CNNM4: variants seen among roughly 807,000 people sequenced by gnomAD.
CNNM4 encodes the protein metal transporter CNNM4.
A neutral mutation model predicts 53.7 loss-of-function variants in CNNM4; 32 were observed. The observed-to-expected ratio is 0.60, with a 90% CI of 0.45 to 0.80. The LOEUF is 0.80. Among genes scored for constraint, CNNM4 ranks in the 30% least tolerant of loss-of-function variants. The probability of loss-of-function intolerance (pLI) is 0.00; values close to 1 mark genes in which losing one functional copy is unlikely to be tolerated. For missense variants in CNNM4, 784 were observed against 1,022.0 expected, an observed-to-expected ratio of 0.77 and a Z score of 3.17; for synonymous variants, 410 against 440.0, an observed-to-expected ratio of 0.93 and a Z score of 0.85.
intron 1 of CNNM4, among the ~76,000 whole-genome samples, chr2:96,795,075 T>C (rs1389649974): frequency 6.6e-6 from 1 of 152,260 alleles, no homozygotes; most frequent in Admixed American, 6.5e-5. Context: ...CAAAAAAATC[T>C]GAAATCTGAA....
rs1378786764 is a variant in CNNM4, at chr2:96,761,501, T to C, written c.502T>C (p.Ser168Pro). Residue 168 changes from serine (S) to proline (P), a missense_variant, in exon 1 of 7, where the codon TCA (serine) becomes CCA (proline). Ser to Pro is a moderately conservative substitution (Grantham distance 74, BLOSUM62 -1). Coordinates refer to ENST00000377075, the MANE Select transcript of CNNM4 (RefSeq NM_020184.4). This position sits in a 1 kb window ranked among gnomAD's most constrained non-coding sequence, Gnocchi z 6.0. ...GPWLKWTDKDSLLFMVEEPGR... is the reference protein window; with the variant it reads ...GPWLKWTDKDPLLFMVEEPGR... ...CTGGCTGAAGTGGACGGACAAGGAC[T>C]CACTGCTCTTCATGGTGGAGGAGCC... is the stretch of plus-strand genomic sequence containing the variant. 3 of 1,614,062 alleles carry C rather than the reference T, an allele frequency of 1.9e-6. No homozygotes were observed. The highest frequency in any genetic ancestry group is 1.7e-6 in the Non-Finnish European group (2 of 1,179,968).
intron 1 of CNNM4, among the ~76,000 whole-genome samples, chr2:96,792,162 C>T (rs906929678): frequency 6.7e-6 from 1 of 149,766 alleles, no homozygotes; most frequent in African/African-American, 2.5e-5. Context: ...GGGAGAATCA[C>T]TGGAACCTGT....
At chr2:96,788,182 C>G (rs1379535205) in intron 1 of CNNM4, among the ~76,000 whole-genome samples, 1 of 151,956 alleles carries the variant, frequency 6.6e-6, no homozygotes, top group Non-Finnish European at 1.5e-5. Flanking sequence ...TTTGGCCTCC[C>G]AAAGTGCTGG....
intron 1 of CNNM4, among the ~76,000 whole-genome samples, chr2:96,765,019 G>A (rs1479173441): frequency 9.6e-6 from 1 of 104,612 alleles, no homozygotes; most frequent in Non-Finnish European, 1.9e-5. Context: ...CTGGTGTTGG[G>A]AATGGTTTTT....
intron 1 of CNNM4, among the ~76,000 whole-genome samples, chr2:96,778,441 C>T (rs1574063042): frequency 6.6e-6 from 1 of 151,282 alleles, no homozygotes; most frequent in East Asian, 2.0e-4. Context: ...ACCTGTAATC[C>T]CAGCTACTCC....
intron 1 of CNNM4, among the ~76,000 whole-genome samples, chr2:96,764,115 G>A (rs1364996819): frequency 6.6e-6 from 1 of 152,118 alleles, no homozygotes; most frequent in Non-Finnish European, 1.5e-5. Flanking sequence ...ACACCCAGTA[G>A]CACCTTCCCA....
In CNNM4 at chr2:96,761,854, C is replaced by G; in HGVS notation, c.855C>G (p.Ile285Met). The G allele has an allele frequency of 1.4e-5, 23 of 1,614,152 alleles. No homozygotes were observed. Among genetic ancestry groups the G allele is most frequent in the Non-Finnish European group, 1.9e-5 (23 of 1,180,024 alleles). The change falls in exon 1 of 7, where the codon ATC becomes ATG. Residue 285 changes from isoleucine to methionine, a missense_variant. Coordinates refer to ENST00000377075, the MANE Select transcript of CNNM4 (RefSeq NM_020184.4). The surrounding 1 kb of genome is among the most constrained non-coding windows in gnomAD (Gnocchi z 6.0). ...STIGIVIFGE[I>M]LPQALCSRHG... Reference sequence around the variant, plus strand: ...TTGGCATTGTCATCTTTGGGGAGATCCTACCTCAGGCCCTGTGCTCCCGAC... The same window carrying G: ...TTGGCATTGTCATCTTTGGGGAGATGCTACCTCAGGCCCTGTGCTCCCGAC...
At chr2:96,787,341 G>C (rs939500401) in intron 1 of CNNM4, among the ~76,000 whole-genome samples, 1 of 152,136 alleles carries the variant, frequency 6.6e-6, no homozygotes, top group Non-Finnish European at 1.5e-5. Context: ...GGTAAAAAAT[G>C]AGTTCATTTT....
intron 5 of CNNM4, among the ~76,000 whole-genome samples, chr2:96,803,552 C>A (rs1308240558): frequency 6.6e-6 from 1 of 151,850 alleles, no homozygotes; most frequent in Admixed American, 6.6e-5. Flanking sequence ...ATGGTGAAAC[C>A]CCATCTCTAC....
chr2:96,795,400 G>A (rs1217687822), intron 1 of CNNM4, among the ~76,000 whole-genome samples: 1 of 152,164 alleles, frequency 6.6e-6, no homozygotes, highest in Non-Finnish European at 1.5e-5. Context: ...CTAGCAAGAC[G>A]CTAAATGTTT....
At chr2:96,803,005 G>A (rs1484887285) in intron 5 of CNNM4, among the ~76,000 whole-genome samples, 2 of 152,178 alleles carry the variant, frequency 1.3e-5, no homozygotes, top group South Asian at 2.1e-4. Context: ...CGTCACCTCA[G>A]CCCGGGGATA....
Position 96,808,686 on chromosome 2 carries a change from G to A in CNNM4, c.2074G>A (p.Gly692Ser), listed in dbSNP as rs2153351674. ...CAACCAGTTTGGCAGCTCTGTCCTG[G>A]GCCAGTACATCTCTGACTTCAGCGT... ...SSNQFGSSVL[G>S]QYISDFSVRA... Residue 692 changes from glycine to serine, a missense_variant, in exon 6 of 7, where the codon GGC becomes AGC. Coordinates refer to ENST00000377075, the MANE Select transcript of CNNM4 (RefSeq NM_020184.4). The surrounding 1 kb of genome is among the most constrained non-coding windows in gnomAD (Gnocchi z 4.9). 1 of 1,614,128 alleles carries A rather than the reference G, an allele frequency of 6.2e-7. No homozygotes were observed. Among genetic ancestry groups the A allele is most frequent in the Non-Finnish European group, 8.5e-7 (1 of 1,180,028 alleles).
intron 5 of CNNM4, among the ~76,000 whole-genome samples, chr2:96,803,983 C>T (rs1192847709): frequency 6.6e-6 from 1 of 152,082 alleles, no homozygotes. Context: ...ACTGCAGCCT[C>T]AACCTCATGG....
At position 96,761,495 on chromosome 2, in the gene CNNM4, A is replaced by G. The variant is rs1450589664; in HGVS notation, c.496A>G (p.Lys166Glu). 6.2e-6 allele frequency: 10 copies of G among 1,614,026 alleles called. No individual in the cohort carries two copies. Among genetic ancestry groups the G allele is most frequent in the Admixed American group, 1.7e-5 (1 of 60,026 alleles). Residue 166 changes from lysine (K) to glutamate (E), a missense_variant, in exon 1 of 7, where the codon AAG (lysine) becomes GAG (glutamate). Coordinates refer to ENST00000377075, the MANE Select transcript of CNNM4 (RefSeq NM_020184.4). This position sits in a 1 kb window ranked among gnomAD's most constrained non-coding sequence, Gnocchi z 6.0. ...PDGPWLKWTD[K>E]DSLLFMVEEP... ...CGGGCCCTGGCTGAAGTGGACGGACAAGGACTCACTGCTCTTCATGGTGGA... is the reference window on the plus strand; with the variant it reads ...CGGGCCCTGGCTGAAGTGGACGGACGAGGACTCACTGCTCTTCATGGTGGA...
intron 1 of CNNM4, among the ~76,000 whole-genome samples, chr2:96,787,893 A>G (rs1267287523): frequency 6.6e-6 from 1 of 152,126 alleles, no homozygotes; most frequent in Non-Finnish European, 1.5e-5. Context: ...ATTTCTGTCC[A>G]TTGTTCTCTC....
chr2:96,769,563 CA>C (rs1198986708), intron 1 of CNNM4, among the ~76,000 whole-genome samples: 4,694 of 63,726 alleles, frequency 0.074, 212 homozygotes, highest in African/African-American at 0.22. Context: ...GACTCTGTCT[CA>C]AAAAAAAAAA....
At chr2:96,782,212 G>A (rs751687944) in intron 1 of CNNM4, among the ~76,000 whole-genome samples, 3 of 152,180 alleles carry the variant, frequency 2.0e-5, no homozygotes, top group East Asian at 3.9e-4. Flanking sequence ...AGGCTGAGAC[G>A]AATGGATTGC....
chr2:96,798,749 T>C (rs2079129156), intron 3 of CNNM4, among the ~76,000 whole-genome samples: 1 of 152,166 alleles, frequency 6.6e-6, no homozygotes, highest in South Asian at 2.1e-4. Flanking sequence ...AACCACCCTG[T>C]GAAGCTTTTA....
At chr2:96,777,760 C>T (rs1325099088) in intron 1 of CNNM4, among the ~76,000 whole-genome samples, 1 of 152,060 alleles carries the variant, frequency 6.6e-6, no homozygotes, top group Non-Finnish European at 1.5e-5. Context: ...CCTTGGCCTC[C>T]CAAAGTGCTG....
Sources: allele counts gnomAD v4.1 joint callset (sites outside exome capture counted in the v4.1 genomes callset), GRCh38; gene constraint gnomAD v4.1.1; non-coding constraint Gnocchi (gnomAD v3.1); transcripts MANE v1.5; gene names NCBI Gene and HGNC (gene_info 2026-07-23, HGNC 2026-07-21).